The following LHFPL3 variants were observed in gnomAD, a reference collection of about 807,000 sequenced individuals.
LHFPL3 encodes LHFPL tetraspan subfamily member 3.
In LHFPL3, 5 loss-of-function variants were observed where a neutral mutation model predicts 19.3. The observed-to-expected ratio is 0.26, with a 90% confidence interval of 0.14 to 0.54. LHFPL3 has a LOEUF of 0.54. LHFPL3 is among the 20% of genes least tolerant of loss of function. LHFPL3 has a pLI of 0.94. For synonymous variants in LHFPL3, 133 were observed against 126.2 expected (o/e 1.05, Z -0.36); for missense variants, 249 against 307.4 (o/e 0.81, Z 1.42).
chr7:104,730,669 C>A (rs572235868), intron 1 of LHFPL3, among the ~76,000 whole-genome samples: 1 of 152,254 alleles, frequency 6.6e-6, no homozygotes, highest in South Asian at 2.1e-4. Flanking sequence ...GAGTAGATTG[C>A]AAAAATTATC....
intron 1 of LHFPL3, among the ~76,000 whole-genome samples, chr7:104,564,740 C>T (rs1790085767): frequency 6.6e-6 from 1 of 152,134 alleles, no homozygotes; most frequent in African/African-American, 2.4e-5. Context: ...GGCCCATTTC[C>T]CTTTAGATAA....
chr7:104,436,511 G>C (rs1443636358), intron 1 of LHFPL3, among the ~76,000 whole-genome samples: 1 of 152,162 alleles, frequency 6.6e-6, no homozygotes, highest in Non-Finnish European at 1.5e-5. Flanking sequence ...TTTGCTACCA[G>C]TGACAGCAGT....
intron 2 of LHFPL3, among the ~76,000 whole-genome samples, chr7:104,781,936 T>C (rs1445959501): frequency 6.6e-6 from 1 of 152,230 alleles, no homozygotes; most frequent in Non-Finnish European, 1.5e-5. Flanking sequence ...TTTGTGACTT[T>C]ATTACTGAAA....
chr7:104,503,819 C>T (rs1793647886), intron 1 of LHFPL3, among the ~76,000 whole-genome samples: 1 of 152,192 alleles, frequency 6.6e-6, no homozygotes, highest in African/African-American at 2.4e-5. Flanking sequence ...ATCTGCTCAC[C>T]TCACCCTCCC....
intron 1 of LHFPL3, among the ~76,000 whole-genome samples, chr7:104,331,426 A>G (rs984348564): frequency 6.6e-6 from 1 of 152,156 alleles, no homozygotes; most frequent in Non-Finnish European, 1.5e-5. Context: ...TTCTAGGTAA[A>G]CTATAGTACA....
At chr7:104,807,236 G>A (rs1790379352) in intron 2 of LHFPL3, among the ~76,000 whole-genome samples, 1 of 152,098 alleles carries the variant, frequency 6.6e-6, no homozygotes, top group Admixed American at 6.6e-5. Context: ...AGCACCATGT[G>A]AAGATGAAGG....
At chr7:104,839,766 C>T (rs1490418402) in intron 2 of LHFPL3, among the ~76,000 whole-genome samples, 1 of 152,184 alleles carries the variant, frequency 6.6e-6, no homozygotes, top group Admixed American at 6.5e-5. Context: ...GATATTAAGT[C>T]TCTCTGCACT....
At chr7:104,344,054 T>G (rs917172707) in intron 1 of LHFPL3, among the ~76,000 whole-genome samples, 3 of 152,108 alleles carry the variant, frequency 2.0e-5, no homozygotes, top group Admixed American at 2.0e-4. Flanking sequence ...CTACACTAAG[T>G]TTTTAAATTG....
At chr7:104,414,276 C>T (rs1490775015) in intron 1 of LHFPL3, among the ~76,000 whole-genome samples, 1 of 152,144 alleles carries the variant, frequency 6.6e-6, no homozygotes, top group Non-Finnish European at 1.5e-5. Context: ...AATTTCCCTT[C>T]GGCTTTTTAA....
intron 2 of LHFPL3, among the ~76,000 whole-genome samples, chr7:104,904,354 G>A (rs1010973088): frequency 6.6e-6 from 1 of 152,140 alleles, no homozygotes; most frequent in Non-Finnish European, 1.5e-5. Flanking sequence ...AAAGGGCTCT[G>A]TGACGCAAAA....
intron 1 of LHFPL3, among the ~76,000 whole-genome samples, chr7:104,380,107 T>C (rs1447191195): frequency 6.6e-6 from 1 of 152,214 alleles, no homozygotes; most frequent in Non-Finnish European, 1.5e-5. Context: ...ACTCCATTAC[T>C]TACTGCTATG....
At chr7:104,589,224 T>G (rs1584421380) in intron 1 of LHFPL3, among the ~76,000 whole-genome samples, 1 of 152,304 alleles carries the variant, frequency 6.6e-6, no homozygotes, top group African/African-American at 2.4e-5. Flanking sequence ...TTTTTGCCCA[T>G]TCAGTATGAT....
At chr7:104,777,968 C>T (rs2116414881) in intron 2 of LHFPL3, among the ~76,000 whole-genome samples, 1 of 152,156 alleles carries the variant, frequency 6.6e-6, no homozygotes, top group East Asian at 1.9e-4. Flanking sequence ...CTAAGAGAGA[C>T]ATCTGGGATG....
chr7:104,500,900 A>C (rs78461893), intron 1 of LHFPL3, among the ~76,000 whole-genome samples: 67 of 152,258 alleles, frequency 4.4e-4, no homozygotes, highest in Non-Finnish European at 7.9e-4. Context: ...CTCATCCTTC[A>C]AGTGGCAAAT....
At chr7:104,670,790 A>G (rs1277321382) in intron 1 of LHFPL3, among the ~76,000 whole-genome samples, 1 of 151,706 alleles carries the variant, frequency 6.6e-6, no homozygotes, top group Non-Finnish European at 1.5e-5. Context: ...TTTCCCCCCA[A>G]GTTTCCTTCT....
Position 104,737,008 on chromosome 7 carries a change from G to T in LHFPL3, c.682+97G>T, listed in dbSNP as rs1410740842. 3.3e-6 allele frequency: 3 copies of T among 904,480 alleles called. No individual in the cohort carries two copies. The African/African-American group carries it at 5.0e-5, about 15-fold the overall frequency. The allele number at this position is 904,480 out of a possible 1,614,324, so 56.0% of individuals were successfully genotyped here. On this transcript the variant is annotated intron_variant, in intron 2 of 2. Transcript: ENST00000424859. ...CTCAAATACTAGTGCTTCCCCTGAG[G>T]TTCTAATTTGCTGCCTCTTTTAATA...
At chr7:104,820,338 G>A (rs1184182691) in intron 2 of LHFPL3, among the ~76,000 whole-genome samples, 1 of 152,182 alleles carries the variant, frequency 6.6e-6, no homozygotes, top group Non-Finnish European at 1.5e-5. Flanking sequence ...CCTCTGAGCA[G>A]CTGAAATGCT....
intron 1 of LHFPL3, among the ~76,000 whole-genome samples, chr7:104,559,727 A>G (rs1789942928): frequency 6.6e-6 from 1 of 151,934 alleles, no homozygotes; most frequent in African/African-American, 2.4e-5. Flanking sequence ...GTTGAATAGG[A>G]GTGGTAAGAG....
chr7:104,778,719 A>C (rs1794673533), intron 2 of LHFPL3, among the ~76,000 whole-genome samples: 1 of 152,228 alleles, frequency 6.6e-6, no homozygotes, highest in Non-Finnish European at 1.5e-5. Context: ...CTTGCAGTGC[A>C]GCAGGTGGGT....
Sources: gnomAD v4.1 joint callset for allele counts (sites outside exome capture counted in the v4.1 genomes callset) on GRCh38, gnomAD v4.1.1 for gene constraint, MANE v1.5 for transcripts, NCBI Gene and HGNC (gene_info 2026-07-23, HGNC 2026-07-21) for gene names.